Variants in DDX10 observed in about 807,000 individuals in gnomAD.
DDX10 encodes the protein DEAD-box helicase 10, also known as probable ATP-dependent RNA helicase DDX10.
DDX10 carries 74 observed loss-of-function variants against 104.3 expected under a neutral mutation model. The observed-to-expected ratio is 0.71, with a 90% confidence interval of 0.59 to 0.86. The LOEUF (loss-of-function observed/expected upper bound fraction) is 0.86, where lower values mean the gene tolerates loss of function less well. DDX10 is among the 40% of genes least tolerant of loss of function. The pLI, the probability that DDX10 is intolerant of heterozygous loss-of-function variation, is 0.00. For synonymous variants in DDX10, 351 were observed against 353.4 expected (o/e 0.99, Z 0.08); for missense variants, 952 against 1,040.0 (o/e 0.92, Z 1.16).
rs553536548 is a variant in DDX10, at chr11:108,835,315, A to G, written c.1966-3131A>G. 3.7e-4 allele frequency among the ~76,000 whole-genome samples: 57 copies of G among 152,352 alleles called. No individual in the cohort carries two copies. In the South Asian group the frequency reaches 0.011, roughly 30 times the overall value. ...ATAGTGGTGGAGAGAGGGTAGGCAC[A>G]GCAGTTTAGAGCCTTTTGCCACCAG... On this transcript the variant is annotated intron_variant, in intron 13 of 17. Coordinates refer to ENST00000322536, the MANE Select transcript of DDX10 (RefSeq NM_004398.4).
At chr11:108,851,640 A>C (rs1418852777) in intron 15 of DDX10, among the ~76,000 whole-genome samples, 1 of 152,086 alleles carries the variant, frequency 6.6e-6, no homozygotes, top group Non-Finnish European at 1.5e-5. Context: ...TTAACCCCTG[A>C]ATGTTAACAT....
chr11:108,907,218 TGTAA>T (rs1424362013), intron 16 of DDX10, among the ~76,000 whole-genome samples: 16 of 152,336 alleles, frequency 1.1e-4, no homozygotes, highest in African/African-American at 3.8e-4. Context: ...GAGGAAATTG[TGTAA>T]GTGCTACTTT....
chr11:108,922,293 A>T (rs1863844753), intron 17 of DDX10: 1 of 151,556 alleles, frequency 6.6e-6, no homozygotes, highest in South Asian at 2.1e-4. Context: ...AAGAAAGCGA[A>T]GAAAGCAAAG....
chr11:108,894,285 T>G (rs1467822691), intron 16 of DDX10, among the ~76,000 whole-genome samples: 1 of 152,060 alleles, frequency 6.6e-6, no homozygotes, highest in Non-Finnish European at 1.5e-5. Context: ...CCTTTATGCA[T>G]TCTCATTGTC....
At chr11:108,717,570 C>T (rs2094293134) in intron 11 of DDX10, among the ~76,000 whole-genome samples, 1 of 152,144 alleles carries the variant, frequency 6.6e-6, no homozygotes, top group Non-Finnish European at 1.5e-5. Flanking sequence ...CCTTGGCCTC[C>T]CAAAGTGCTG....
At chr11:108,694,148 ATTGT>A (rs1455175349) in intron 9 of DDX10, among the ~76,000 whole-genome samples, 1 of 152,126 alleles carries the variant, frequency 6.6e-6, no homozygotes, top group African/African-American at 2.4e-5. Context: ...AAACTTATGA[ATTGT>A]TTATTTCTGG....
intron 16 of DDX10, among the ~76,000 whole-genome samples, chr11:108,916,735 G>A (rs994759234): frequency 3.3e-5 from 5 of 152,038 alleles, no homozygotes; most frequent in Non-Finnish European, 4.4e-5. Flanking sequence ...TGCTTGTTTC[G>A]GTTTATCTGG....
chr11:108,820,186 G>T (rs74681662), intron 13 of DDX10, among the ~76,000 whole-genome samples: 1 of 152,140 alleles, frequency 6.6e-6, no homozygotes, highest in African/African-American at 2.4e-5. Context: ...AACATCTAGC[G>T]TGGTGTTTGG....
At chr11:108,745,115 C>T (rs1333335471) in intron 13 of DDX10, among the ~76,000 whole-genome samples, 5 of 116,256 alleles carry the variant, frequency 4.3e-5, no homozygotes, top group Non-Finnish European at 8.5e-5. Flanking sequence ...CCTCCCCTTC[C>T]CCTTCCTCTT....
intron 16 of DDX10, among the ~76,000 whole-genome samples, chr11:108,916,697 A>T (rs960589909): frequency 1.3e-5 from 2 of 152,234 alleles, no homozygotes; most frequent in African/African-American, 4.8e-5. Flanking sequence ...AGTCCCACTT[A>T]TAATTTTCTG....
intron 13 of DDX10, among the ~76,000 whole-genome samples, chr11:108,821,627 G>GT (rs981200342): frequency 2.0e-5 from 3 of 152,000 alleles, no homozygotes; most frequent in Non-Finnish European, 2.9e-5. Flanking sequence ...GAGGTATAGA[G>GT]TTTTTTTCTG....
intron 9 of DDX10, among the ~76,000 whole-genome samples, chr11:108,702,604 G>T (rs944433447): frequency 6.6e-6 from 1 of 152,156 alleles, no homozygotes; most frequent in Admixed American, 6.5e-5. Context: ...CCTGCCTCTG[G>T]CTCTAGTTTG....
chr11:108,689,458 G>T (rs1275582384), intron 7 of DDX10, among the ~76,000 whole-genome samples: 5 of 152,098 alleles, frequency 3.3e-5, no homozygotes, highest in East Asian at 1.9e-4. Flanking sequence ...TGCCCTCCCT[G>T]CATCTCTTCA....
chr11:108,688,907 A>G (rs755651414), intron 6 of DDX10, 29 bp from the exon 7 acceptor site: 2 of 1,604,910 alleles, frequency 1.2e-6, no homozygotes, highest in African/African-American at 1.3e-5. Context: ...GACATATTCT[A>G]ATGTTTTTCT....
intron 16 of DDX10, among the ~76,000 whole-genome samples, chr11:108,907,329 C>T (rs1295622549): frequency 1.1e-5 from 1 of 90,760 alleles, no homozygotes; most frequent in Non-Finnish European, 2.8e-5. Context: ...TCCTCCATTG[C>T]CTCTTTTTTT....
intron 13 of DDX10, among the ~76,000 whole-genome samples, chr11:108,810,664 T>A (rs750131828): frequency 6.6e-6 from 1 of 152,200 alleles, no homozygotes; most frequent in Non-Finnish European, 1.5e-5. Flanking sequence ...ACGGAACCTG[T>A]GGTTTGCTTC....
chr11:108,708,920 A>G (rs1216787725), intron 10 of DDX10, among the ~76,000 whole-genome samples: 3 of 152,134 alleles, frequency 2.0e-5, no homozygotes, highest in South Asian at 4.1e-4. Context: ...CAGGAAAGTG[A>G]TTAGCTTTTG....
intron 16 of DDX10, 109 bp from the exon 17 acceptor site, chr11:108,917,764 T>TA: frequency 1.8e-6 from 2 of 1,087,792 alleles, no homozygotes; most frequent in East Asian, 4.7e-5. Context: ...AAGAGAAAGC[T>TA]AATCTGTGGA....
At chr11:108,907,050 A>G (rs1863605322) in intron 16 of DDX10, among the ~76,000 whole-genome samples, 2 of 152,192 alleles carry the variant, frequency 1.3e-5, no homozygotes, top group South Asian at 4.1e-4. Flanking sequence ...CCGGTTTTGG[A>G]ATATGCTCTT....
Sources: allele counts gnomAD v4.1 joint callset (sites outside exome capture counted in the v4.1 genomes callset), GRCh38; gene constraint gnomAD v4.1.1; transcripts MANE v1.5; gene names NCBI Gene and HGNC (gene_info 2026-07-23, HGNC 2026-07-21).